Variants in CNTN1 observed in about 807,000 individuals in gnomAD.
The protein encoded by CNTN1 is contactin 1, also known as contactin-1.
In CNTN1, 38 loss-of-function variants were observed where a neutral mutation model predicts 126.4. That is an observed-to-expected ratio of 0.30 (90% CI 0.23 to 0.39). The LOEUF (loss-of-function observed/expected upper bound fraction) is 0.39. Ranked by LOEUF, CNTN1 falls within the 10% of genes least tolerant of loss-of-function variation. The probability of loss-of-function intolerance (pLI) is 1.00; values close to 1 mark genes in which losing one functional copy is unlikely to be tolerated. For missense variants in CNTN1, 1,009 were observed against 1,248.4 expected (o/e 0.81, Z 2.89); for synonymous variants, 413 against 422.6 (o/e 0.98, Z 0.28).
intron 1 of CNTN1, among the ~76,000 whole-genome samples, chr12:40,903,014 A>T (rs1408750315): frequency 6.6e-6 from 1 of 152,210 alleles, no homozygotes; most frequent in East Asian, 1.9e-4. Flanking sequence ...TTGCCTTACT[A>T]TATTGAGAAG....
chr12:41,040,824 TG>T (rs1949386512), intron 23 of CNTN1, among the ~76,000 whole-genome samples: 1 of 147,958 alleles, frequency 6.8e-6, no homozygotes, highest in Non-Finnish European at 1.5e-5. Flanking sequence ...GCTGAGACAA[TG>T]GGGTTTTCTA....
Position 40,808,458 on chromosome 12 carries a change from A to G in CNTN1, c.-76-99899A>G, listed in dbSNP as rs1295595063. On this transcript the variant is annotated intron_variant, in intron 1 of 23. Coordinates refer to ENST00000551295, the MANE Select transcript of CNTN1 (RefSeq NM_001843.4). ...GGGAAGAAGTACTCAATAGCACACT[A>G]TTATACAGAATTTCCACCATACAGA... Among the ~76,000 whole-genome samples, 7 of 152,328 alleles carry G rather than the reference A, an allele frequency of 4.6e-5. No homozygotes were observed. The East Asian group carries it at 1.2e-3, about 25-fold the overall frequency.
At chr12:41,057,991 T>C (rs1452447573) in intron 23 of CNTN1, among the ~76,000 whole-genome samples, 3 of 152,126 alleles carry the variant, frequency 2.0e-5, no homozygotes, top group African/African-American at 7.2e-5. Context: ...AAGTGCATGG[T>C]ACCTCATGAA....
intron 1 of CNTN1, among the ~76,000 whole-genome samples, chr12:40,904,357 C>CTTCCT (rs1555177065): frequency 1.1e-4 from 16 of 146,458 alleles, no homozygotes; most frequent in South Asian, 2.2e-4. Context: ...TTTTTCCTTC[C>CTTCCT]TTCCTTCCTT....
At chr12:40,718,528 C>A (rs974913551) in intron 1 of CNTN1, among the ~76,000 whole-genome samples, 2 of 152,130 alleles carry the variant, frequency 1.3e-5, no homozygotes, top group Non-Finnish European at 1.5e-5. Flanking sequence ...CCAGTCAACA[C>A]TGGGGGCTGG....
intron 1 of CNTN1, among the ~76,000 whole-genome samples, chr12:40,804,355 G>T (rs921069283): frequency 3.9e-5 from 6 of 152,018 alleles, no homozygotes; most frequent in Non-Finnish European, 7.4e-5. Flanking sequence ...TTTTACAAAT[G>T]CTAGTCATTT....
intron 15 of CNTN1, among the ~76,000 whole-genome samples, chr12:40,962,663 G>A (rs1947146678): frequency 6.6e-6 from 1 of 152,084 alleles, no homozygotes; most frequent in Non-Finnish European, 1.5e-5. Context: ...TTGTAATTCT[G>A]TAAAAGCATA....
At chr12:40,885,624 G>T (rs1057043647) in intron 1 of CNTN1, among the ~76,000 whole-genome samples, 1 of 151,962 alleles carries the variant, frequency 6.6e-6, no homozygotes, top group African/African-American at 2.4e-5. Context: ...ACTCCAATGA[G>T]AATTAAATGT....
chr12:40,970,182 T>C (rs773600426), intron 15 of CNTN1, among the ~76,000 whole-genome samples: 3 of 152,166 alleles, frequency 2.0e-5, no homozygotes, highest in Non-Finnish European at 4.4e-5. Context: ...TTCAAGGAAA[T>C]GGCACCCCTC....
intron 1 of CNTN1, among the ~76,000 whole-genome samples, chr12:40,699,860 G>C (rs1196088074): frequency 6.6e-6 from 1 of 152,144 alleles, no homozygotes; most frequent in Non-Finnish European, 1.5e-5. Flanking sequence ...AGTGTCCCAT[G>C]TGTTATGGTT....
chr12:41,030,987 A>C (rs1949134479), intron 23 of CNTN1, among the ~76,000 whole-genome samples: 1 of 152,204 alleles, frequency 6.6e-6, no homozygotes, highest in Non-Finnish European at 1.5e-5. Context: ...GGTAAAGCAC[A>C]AATAACTAAA....
intron 15 of CNTN1, chr12:40,971,484 G>T: frequency 6.3e-7 from 1 of 1,596,532 alleles, no homozygotes; most frequent in Non-Finnish European, 8.5e-7. Context: ...CTTTCTCCCC[G>T]TCTGTGCAAG....
intron 3 of CNTN1, among the ~76,000 whole-genome samples, chr12:40,917,811 G>A (rs976969951): frequency 2.6e-5 from 4 of 152,168 alleles, no homozygotes; most frequent in Admixed American, 1.3e-4. Flanking sequence ...CTGCCAGGGA[G>A]AATAGACCAT....
At chr12:40,719,698 T>G (rs1171556258) in intron 1 of CNTN1, among the ~76,000 whole-genome samples, 2 of 152,252 alleles carry the variant, frequency 1.3e-5, no homozygotes, top group African/African-American at 4.8e-5. Flanking sequence ...ATAACATGCT[T>G]GCTACATAAC....
chr12:40,885,438 C>A (rs1047782774), intron 1 of CNTN1, among the ~76,000 whole-genome samples: 2 of 151,826 alleles, frequency 1.3e-5, no homozygotes, highest in African/African-American at 4.8e-5. Context: ...CCTTGAGAAA[C>A]AATTTGGTAG....
intron 1 of CNTN1, among the ~76,000 whole-genome samples, chr12:40,834,244 T>C (rs1009380757): frequency 4.6e-5 from 7 of 152,212 alleles, no homozygotes; most frequent in African/African-American, 1.7e-4. Context: ...CAGTAAACGA[T>C]TTTAAGAGGT....
intron 1 of CNTN1, among the ~76,000 whole-genome samples, chr12:40,771,027 C>A (rs1168552845): frequency 6.6e-6 from 1 of 151,986 alleles, no homozygotes; most frequent in East Asian, 1.9e-4. Flanking sequence ...GAGTCAGAAA[C>A]CTCAGTGCAT....
chr12:40,986,426 A>G (rs1411892306), intron 16 of CNTN1, among the ~76,000 whole-genome samples: 3 of 152,186 alleles, frequency 2.0e-5, no homozygotes. Context: ...TGTTAGATTC[A>G]GTTTAGCACA....
intron 15 of CNTN1, among the ~76,000 whole-genome samples, chr12:40,966,682 C>A (rs749312353): frequency 1.3e-5 from 2 of 151,952 alleles, no homozygotes; most frequent in Non-Finnish European, 2.9e-5. Flanking sequence ...GCAAGTTCAG[C>A]GTAAATTGAG....
Sources: gnomAD v4.1 joint callset for allele counts (sites outside exome capture counted in the v4.1 genomes callset) on GRCh38, gnomAD v4.1.1 for gene constraint, MANE v1.5 for transcripts, NCBI Gene and HGNC (gene_info 2026-07-23, HGNC 2026-07-21) for gene names.